The following CD9 variants were observed in gnomAD, a reference collection of about 807,000 sequenced individuals.
CD9 encodes the protein CD9 antigen.
In CD9, 10 loss-of-function variants were observed where a neutral mutation model predicts 31.4. The ratio of observed to expected loss-of-function variants is 0.32; its 90% CI spans 0.20 to 0.54. CD9 has a LOEUF of 0.54. CD9 is among the 20% of genes least tolerant of loss of function. CD9 has a pLI of 0.94. For missense variants in CD9, 259 were observed against 300.1 expected (o/e 0.86, Z 1.01); for synonymous variants, 113 against 114.1 (o/e 0.99, Z 0.06).
At chr12:6,206,290 C>T (rs1946131441) in intron 1 of CD9, among the ~76,000 whole-genome samples, 2 of 151,832 alleles carry the variant, frequency 1.3e-5, no homozygotes, top group South Asian at 2.1e-4. Flanking sequence ...AATCATGGCT[C>T]ATGGCTCACT....
chr12:6,212,840 T>C (rs1427873188), intron 1 of CD9, among the ~76,000 whole-genome samples: 1 of 152,054 alleles, frequency 6.6e-6, no homozygotes, highest in Non-Finnish European at 1.5e-5. Flanking sequence ...TGGGTTTAAG[T>C]GTATGTGTGG....
chr12:6,236,019 CT>C, intron 6 of CD9, 172 bp from the exon 7 acceptor site: 1 of 1,436,154 alleles, frequency 7.0e-7, no homozygotes, highest in East Asian at 2.5e-5. Context: ...ATAGCCATCC[CT>C]TTGTTCCCCT....
Position 6,200,490 on chromosome 12 carries a change from A to G in CD9, c.-10A>G, listed in dbSNP as rs371488556. On this transcript the variant is annotated 5_prime_UTR_variant, in exon 1 of 8. Coordinates refer to ENST00000009180, the MANE Select transcript of CD9 (RefSeq NM_001769.4). ...GCACCCGTTCGGCCCAGGCTAAGTT[A>G]GCCCTCACCATGCCGGTCAAAGGAG... 162 of 1,605,902 alleles carry G rather than the reference A, an allele frequency of 1.0e-4. No homozygotes were observed. The highest frequency in any genetic ancestry group is 1.4e-4 in the Non-Finnish European group (159 of 1,173,356).
chr12:6,223,360 C>T (rs1040239276), intron 1 of CD9, among the ~76,000 whole-genome samples: 14 of 152,058 alleles, frequency 9.2e-5, no homozygotes, highest in African/African-American at 3.1e-4. Flanking sequence ...CTCCCGGGCT[C>T]ACGCCATTCT....
At chr12:6,236,074 G>T (rs772502088) in intron 6 of CD9, 118 bp from the exon 7 acceptor site, 23 of 1,513,128 alleles carry the variant, frequency 1.5e-5, no homozygotes, top group Non-Finnish European at 1.9e-5. Context: ...GAACACTCCT[G>T]TCCCCAGCCC....
chr12:6,200,429 T>C lies in CD9; in HGVS notation c.-71T>C. On this transcript the variant is annotated 5_prime_UTR_variant, in exon 1 of 8. Transcript: ENST00000009180. The stretch of plus-strand genomic sequence containing the variant: ...GCCTGCATCTGTATCCAGCGCCAGG[T>C]CCCGCCAGTCCCAGCTGCGCGCGCC... 2 of 986,214 alleles carry C rather than the reference T, an allele frequency of 2.0e-6. No individual in the cohort carries two copies. The highest frequency in any genetic ancestry group is 3.3e-6 in the Non-Finnish European group (2 of 613,838). The allele number at this position is 986,214 out of a possible 1,614,324, so 61.1% of individuals were successfully genotyped here.
At chr12:6,235,814 C>G in intron 6 of CD9, 2 of 1,383,952 alleles carry the variant, frequency 1.4e-6, no homozygotes, top group Non-Finnish European at 1.9e-6. Flanking sequence ...CGGAAGCTCT[C>G]AAGGGCAGGC....
intron 4 of CD9, among the ~76,000 whole-genome samples, chr12:6,234,743 A>C (rs1016858433): frequency 6.6e-6 from 1 of 152,264 alleles, no homozygotes. Context: ...AAGGCTTAAC[A>C]TGCAATATTT....
At chr12:6,211,808 C>G (rs929259996) in intron 1 of CD9, among the ~76,000 whole-genome samples, 3 of 152,174 alleles carry the variant, frequency 2.0e-5, no homozygotes, top group African/African-American at 7.2e-5. Context: ...ACGCGTCTGG[C>G]AAGCAGGCAG....
chr12:6,204,204 C>A (rs1250825946), intron 1 of CD9, among the ~76,000 whole-genome samples: 1 of 152,122 alleles, frequency 6.6e-6, no homozygotes, highest in African/African-American at 2.4e-5. Context: ...TCCTTTCAAG[C>A]TCAGTCTATG....
At chr12:6,202,390 C>T (rs139980400) in intron 1 of CD9, among the ~76,000 whole-genome samples, 10 of 152,326 alleles carry the variant, frequency 6.6e-5, no homozygotes, top group East Asian at 1.9e-4. Context: ...GAAAAGTATG[C>T]GGGAAGGCAG....
chr12:6,201,761 A>G (rs945169809), intron 1 of CD9, among the ~76,000 whole-genome samples: 1 of 152,220 alleles, frequency 6.6e-6, no homozygotes, highest in African/African-American at 2.4e-5. Context: ...GCACTTGGCC[A>G]GGCACAGTGG....
chr12:6,208,607 T>C (rs975165875), intron 1 of CD9, among the ~76,000 whole-genome samples: 1 of 152,186 alleles, frequency 6.6e-6, no homozygotes, highest in African/African-American at 2.4e-5. Flanking sequence ...GTTTCACTCT[T>C]GTTGCCCAGG....
intron 1 of CD9, among the ~76,000 whole-genome samples, chr12:6,218,958 G>T (rs1181593660): frequency 3.3e-5 from 5 of 152,112 alleles, no homozygotes; most frequent in African/African-American, 1.2e-4. Context: ...GGGGGTGCTG[G>T]CAGAGTTGCA....
At chr12:6,211,121 C>G (rs1946190009) in intron 1 of CD9, among the ~76,000 whole-genome samples, 1 of 152,150 alleles carries the variant, frequency 6.6e-6, no homozygotes, top group Non-Finnish European at 1.5e-5. Flanking sequence ...CAGGCTTGAG[C>G]CACCGTGCCC....
chr12:6,203,002 T>G (rs1388622695), intron 1 of CD9, among the ~76,000 whole-genome samples: 2 of 152,160 alleles, frequency 1.3e-5, no homozygotes, highest in Non-Finnish European at 2.9e-5. Context: ...TGGGTCCCTG[T>G]GGAGATGAAG....
At chr12:6,222,564 G>T (rs1284211819) in intron 1 of CD9, among the ~76,000 whole-genome samples, 1 of 152,024 alleles carries the variant, frequency 6.6e-6, no homozygotes, top group African/African-American at 2.4e-5. Context: ...TCCGGGCTTG[G>T]CCTGGCCCTT....
chr12:6,233,110 G>T, intron 3 of CD9: 1 of 700,156 alleles, frequency 1.4e-6, no homozygotes, highest in Non-Finnish European at 2.6e-6. Flanking sequence ...TGTCTTTTGT[G>T]AACAATAGTA....
chr12:6,227,183 A>G (rs1439364508), intron 2 of CD9, among the ~76,000 whole-genome samples: 1 of 151,272 alleles, frequency 6.6e-6, no homozygotes, highest in African/African-American at 2.5e-5. Flanking sequence ...AGACACTAAC[A>G]TTTTTATTTT....
Sources: allele counts gnomAD v4.1 joint callset (sites outside exome capture counted in the v4.1 genomes callset), GRCh38; gene constraint gnomAD v4.1.1; transcripts MANE v1.5; gene names NCBI Gene and HGNC (gene_info 2026-07-23, HGNC 2026-07-21).